Variants in OR52E5 observed in about 807,000 individuals in gnomAD.
OR52E5 encodes olfactory receptor 52E5.
chr11:5,902,524 C>A lies in OR52E5; in HGVS notation c.*764C>A, dbSNP rs904072528. 1 of 152,126 alleles carries A rather than the reference C, an allele frequency of 6.6e-6. No individual in the cohort carries two copies. The highest frequency in any genetic ancestry group is 1.5e-5 in the Non-Finnish European group (1 of 68,032). 9.4% of individuals were successfully genotyped at this position (152,126 alleles called of 1,614,324 possible). A position where few individuals can be genotyped will look rare whatever the true frequency, so the allele number is the denominator to read the frequency against. ...TCAGCTCTTACCTTCGTGAAAGAGA[C>A]TTTCAGTCAGGAGACTATAAAGCTT... On this transcript the variant is annotated 3_prime_UTR_variant, in exon 3 of 3. Coordinates refer to ENST00000610445, the MANE Select transcript of OR52E5 (RefSeq NM_001005166.5).
In OR52E5 at chr11:5,893,265, G is replaced by A. The variant is rs1435547860; in HGVS notation, c.-233G>A. The A allele has an allele frequency of 6.6e-6, 1 of 152,322 alleles. No individual in the cohort carries two copies. The allele number at this position is 152,322 out of a possible 1,614,324, so 9.4% of individuals were successfully genotyped here. A position where few individuals can be genotyped will look rare whatever the true frequency, so the allele number is the denominator to read the frequency against. On this transcript the variant is annotated 5_prime_UTR_variant, in exon 1 of 3. Coordinates refer to ENST00000610445, the MANE Select transcript of OR52E5 (RefSeq NM_001005166.5). ...TCACAGACAATTTCTCAGATGCGGGGCAGAGGTAGGTGAGTCAGCTCCTGG... is the reference window on the plus strand; with the variant it reads ...TCACAGACAATTTCTCAGATGCGGGACAGAGGTAGGTGAGTCAGCTCCTGG...
At chr11:5,893,468 C>A (rs1847131610) in intron 1 of OR52E5, among the ~76,000 whole-genome samples, 198 bp downstream of exon 1, 2 of 151,730 alleles carry the variant, frequency 1.3e-5, no homozygotes, top group African/African-American at 4.8e-5. Context: ...CAGACTATTA[C>A]TTAAGGACAT....
At chr11:5,898,384 G>A (rs935873757) in intron 2 of OR52E5, among the ~76,000 whole-genome samples, 1 of 152,076 alleles carries the variant, frequency 6.6e-6, no homozygotes, top group African/African-American at 2.4e-5. Context: ...CATTTTGTAG[G>A]TTGTCTGTTT....
chr11:5,898,763 T>C (rs1847210345), intron 2 of OR52E5, among the ~76,000 whole-genome samples: 1 of 152,228 alleles, frequency 6.6e-6, no homozygotes, highest in South Asian at 2.1e-4. Flanking sequence ...TGTGTGGCTT[T>C]ACTTCTAGGT....
chr11:5,898,471 A>G (rs1281111871), intron 2 of OR52E5, among the ~76,000 whole-genome samples: 2 of 151,630 alleles, frequency 1.3e-5, no homozygotes, highest in Non-Finnish European at 2.9e-5. Context: ...TTTTGTTTTC[A>G]TTTTCATTGC....
At chr11:5,897,861 TTGTC>T (rs1388565671) in intron 2 of OR52E5, among the ~76,000 whole-genome samples, 1 of 152,084 alleles carries the variant, frequency 6.6e-6, no homozygotes, top group Admixed American at 6.6e-5. Flanking sequence ...TTGTTGTTGT[TTGTC>T]TGCTTGTTCA....
chr11:5,901,803 ACT>A lies in OR52E5; in HGVS notation c.*44_*45del. The A allele has an allele frequency of 2.5e-6, 1 of 399,634 alleles. No individual in the cohort carries two copies. The highest frequency in any genetic ancestry group is 4.4e-6 in the Non-Finnish European group (1 of 226,044). 24.8% of individuals were successfully genotyped at this position (399,634 alleles called of 1,614,324 possible). On this transcript the variant is annotated 3_prime_UTR_variant, in exon 3 of 3. Coordinates refer to ENST00000610445, the MANE Select transcript of OR52E5 (RefSeq NM_001005166.5). ...AAACACTGGAAACATTTTTTTTACT[ACT>A]TCTCTTGCATTCCCACATGAGCCAA...
chr11:5,895,874 C>A (rs1180972599), intron 2 of OR52E5, among the ~76,000 whole-genome samples, 161 bp downstream of exon 2: 1 of 152,026 alleles, frequency 6.6e-6, no homozygotes, highest in African/African-American at 2.4e-5. Flanking sequence ...GCCAGCCTGG[C>A]CTTGTCTCTA....
chr11:5,898,618 T>C (rs1384779327), intron 2 of OR52E5, among the ~76,000 whole-genome samples: 1 of 152,174 alleles, frequency 6.6e-6, no homozygotes, highest in Non-Finnish European at 1.5e-5. Context: ...TAATTTTGTA[T>C]ATGGTAAGAA....
At chr11:5,899,993 T>A (rs758007762) in intron 2 of OR52E5, among the ~76,000 whole-genome samples, 1 of 152,098 alleles carries the variant, frequency 6.6e-6, no homozygotes, top group African/African-American at 2.4e-5. Flanking sequence ...ACACTGCCAC[T>A]ATCTAGGTGG....
At chr11:5,896,951 C>G (rs992366363) in intron 2 of OR52E5, among the ~76,000 whole-genome samples, 1 of 152,192 alleles carries the variant, frequency 6.6e-6, no homozygotes, top group Non-Finnish European at 1.5e-5. Flanking sequence ...GTCAGCTAGA[C>G]GTTTTTTCCC....
intron 2 of OR52E5, among the ~76,000 whole-genome samples, chr11:5,900,033 T>C (rs907415144): frequency 3.3e-5 from 5 of 152,064 alleles, no homozygotes; most frequent in African/African-American, 4.8e-5. Flanking sequence ...ATTTATATAA[T>C]GCGAAATGGA....
intron 2 of OR52E5, among the ~76,000 whole-genome samples, chr11:5,899,925 G>A (rs959353992): frequency 1.3e-5 from 2 of 152,084 alleles, no homozygotes; most frequent in East Asian, 1.9e-4. Context: ...AAACTAGACT[G>A]TCCCCAATCT....
chr11:5,894,630 G>GGAGATGAT (rs1255914374), intron 1 of OR52E5, among the ~76,000 whole-genome samples: 13 of 152,100 alleles, frequency 8.5e-5, no homozygotes, highest in African/African-American at 2.9e-4. Context: ...ACTGCAGTGT[G>GGAGATGAT]GAGATGATAA....
rs1847241180 is a variant in OR52E5 at position 5,900,924 on chromosome 11, G to T, written c.148G>T (p.Val50Leu). The T allele has an allele frequency of 2.5e-6, 1 of 401,320 alleles. No individual in the cohort carries two copies. The highest frequency in any genetic ancestry group is 3.6e-5 in the East Asian group (1 of 28,060). 24.9% of individuals were successfully genotyped at this position (401,320 alleles called of 1,614,324 possible). ...TCTAGGGAACATCATTATCCTGTTTGTGATACAGACTGAACAGAGCCTCCA... is the reference window on the plus strand; with the variant it reads ...TCTAGGGAACATCATTATCCTGTTTTTGATACAGACTGAACAGAGCCTCCA... ...ALLGNIIILF[V>L]IQTEQSLHQP... The change falls in exon 3 of 3, where the codon GTG (valine) becomes TTG (leucine). Residue 50 changes from valine to leucine, a missense_variant. By Grantham distance (32) the Val-to-Leu change is conservative. Transcript: ENST00000610445.
intron 2 of OR52E5, 102 bp from the exon 3 acceptor site, chr11:5,900,530 T>G: frequency 3.0e-6 from 1 of 336,564 alleles, no homozygotes; most frequent in East Asian, 4.4e-5. Context: ...AAGTGCAGGA[T>G]TGCTATATTT....
In OR52E5 at chr11:5,899,113, G is replaced by GT. The variant is rs532012549; in HGVS notation, c.-145-1513dup. 1.9e-4 allele frequency among the ~76,000 whole-genome samples: 29 copies of GT among 152,178 alleles called. No individual in the cohort carries two copies. In the East Asian group the frequency reaches 5.2e-3, roughly 27 times the overall value. ...GTTATCTGTGATTTCTTTCATTGGTGTTTTTTAGTTCTCCTTGTAGAGATC... is the reference window on the plus strand; with the variant it reads ...GTTATCTGTGATTTCTTTCATTGGTGTTTTTTTAGTTCTCCTTGTAGAGATC... On this transcript the variant is annotated intron_variant, in intron 2 of 2. Transcript: ENST00000610445.
chr11:5,901,015 T>A lies in OR52E5; in HGVS notation c.239T>A (p.Ile80Asn). The A allele has an allele frequency of 2.5e-6, 1 of 402,124 alleles. No individual in the cohort carries two copies. Among genetic ancestry groups the A allele is most frequent in the Non-Finnish European group, 4.4e-6 (1 of 226,398 alleles). The allele number at this position is 402,124 out of a possible 1,614,324, so 24.9% of individuals were successfully genotyped here. A position where few individuals can be genotyped will look rare whatever the true frequency, so the allele number is the denominator to read the frequency against. Residue 80 changes from isoleucine to asparagine, a missense_variant, in exon 3 of 3, where the codon ATC becomes AAC. By Grantham distance (149) the Ile-to-Asn change is moderately radical. Transcript: ENST00000610445. ...GATCTGGGCTTGTCTACAGCAACCA[T>A]CCCCAAGATGCTGGGAATTTTCTGG... ...GTDLGLSTAT[I>N]PKMLGIFWFN... is the part of the protein sequence containing the mutation.
chr11:5,898,553 T>G (rs980842172), intron 2 of OR52E5, among the ~76,000 whole-genome samples: 1 of 152,160 alleles, frequency 6.6e-6, no homozygotes, highest in Non-Finnish European at 1.5e-5. Flanking sequence ...TCCTAGGTCT[T>G]TTAGGATTTT....
Sources: allele counts gnomAD v4.1 joint callset (sites outside exome capture counted in the v4.1 genomes callset), GRCh38; gene constraint gnomAD v4.1.1; transcripts MANE v1.5; gene names NCBI Gene and HGNC (gene_info 2026-07-23, HGNC 2026-07-21).